XKR9: variants seen among roughly 807,000 people sequenced by gnomAD.
The protein encoded by XKR9 is XK related 9.
XKR9 carries 32 observed loss-of-function variants against 32.0 expected under a neutral mutation model. The ratio of observed to expected loss-of-function variants is 1.00; its 90% CI spans 0.76 to 1.34. XKR9 has a LOEUF of 1.34. Ranked by LOEUF, XKR9 falls within the 40% of genes most tolerant of loss-of-function variation. The pLI is 0.00. For synonymous variants in XKR9, 168 were observed against 143.4 expected, an observed-to-expected ratio of 1.17 and a Z score of -1.22; for missense variants, 546 against 429.7, an observed-to-expected ratio of 1.27 and a Z score of -2.39.
At chr8:70,766,436 G>T (rs1357015693) in intron 2 of XKR9, among the ~76,000 whole-genome samples, 1 of 152,130 alleles carries the variant, frequency 6.6e-6, no homozygotes, top group Non-Finnish European at 1.5e-5. Context: ...TGTAATTTTT[G>T]CACACTGATT....
chr8:70,986,544 C>T, the XKR9 span, among the ~76,000 whole-genome samples: 1 of 152,138 alleles, frequency 6.6e-6, no homozygotes, highest in East Asian at 1.9e-4. Context: ...TCTCTTAAGA[C>T]TTCAAAATAG....
chr8:70,975,435 T>G, the XKR9 span, among the ~76,000 whole-genome samples: 3 of 152,308 alleles, frequency 2.0e-5, no homozygotes, highest in Admixed American at 2.0e-4. Context: ...GTAAGGAAGG[T>G]ATCCAGTTTC....
At chr8:70,698,855 G>C (rs956705123) in intron 3 of XKR9, among the ~76,000 whole-genome samples, 3 of 152,134 alleles carry the variant, frequency 2.0e-5, no homozygotes, top group Non-Finnish European at 2.9e-5. Flanking sequence ...CTTGCTTTAT[G>C]AATCTGGGTG....
intron 3 of XKR9, among the ~76,000 whole-genome samples, chr8:70,683,836 CA>C (rs1281891336): frequency 1.3e-5 from 2 of 152,198 alleles, no homozygotes; most frequent in African/African-American, 4.8e-5. Flanking sequence ...TTTAGAATTT[CA>C]TCTATTGACG....
At chr8:70,751,498 G>T (rs1807140542) in intron 2 of XKR9, among the ~76,000 whole-genome samples, 1 of 152,154 alleles carries the variant, frequency 6.6e-6, no homozygotes. Context: ...CATTATTTCT[G>T]GGTGTGGTTG....
chr8:70,966,130 G>A, the XKR9 span, among the ~76,000 whole-genome samples: 1 of 152,062 alleles, frequency 6.6e-6, no homozygotes, highest in Admixed American at 6.6e-5. Flanking sequence ...GTTTTCATTA[G>A]TTTCAAAGAA....
At chr8:70,763,654 C>T (rs1807336367) in intron 2 of XKR9, among the ~76,000 whole-genome samples, 1 of 152,152 alleles carries the variant, frequency 6.6e-6, no homozygotes, top group Admixed American at 6.5e-5. Flanking sequence ...AAACTAATTT[C>T]TGAAAAAATT....
intron 1 of XKR9, among the ~76,000 whole-genome samples, chr8:70,674,545 G>A (rs1462511998): frequency 6.6e-6 from 1 of 152,190 alleles, no homozygotes; most frequent in Non-Finnish European, 1.5e-5. Context: ...AACATGACAT[G>A]TTATCCATTT....
At chr8:70,744,757 C>CTGTATAGA (rs1554553503) in intron 2 of XKR9, among the ~76,000 whole-genome samples, 1 of 150,848 alleles carries the variant, frequency 6.6e-6, no homozygotes, top group Admixed American at 6.6e-5. Context: ...AGGTGTGCAC[C>CTGTATAGA]ACCACGCCTG....
chr8:71,016,322 T>C, the XKR9 span, among the ~76,000 whole-genome samples: 13 of 152,274 alleles, frequency 8.5e-5, no homozygotes, highest in Admixed American at 2.0e-4. Context: ...GTGTGTATGT[T>C]TGGCCTATTC....
At chr8:70,710,493 G>T (rs1202152962) in intron 4 of XKR9, among the ~76,000 whole-genome samples, 1 of 152,096 alleles carries the variant, frequency 6.6e-6, no homozygotes, top group African/African-American at 2.4e-5. Context: ...TTGAGGTCAG[G>T]AGTTCGAGAT....
At chr8:70,788,596 A>G (rs1262512851) in intron 2 of XKR9, among the ~76,000 whole-genome samples, 1 of 152,124 alleles carries the variant, frequency 6.6e-6, no homozygotes, top group Non-Finnish European at 1.5e-5. Flanking sequence ...GTAATTATAA[A>G]AGCAATAGCA....
At chr8:71,036,501 G>T in the XKR9 span, among the ~76,000 whole-genome samples, 1 of 152,008 alleles carries the variant, frequency 6.6e-6, no homozygotes, top group Non-Finnish European at 1.5e-5. Flanking sequence ...CAGCATAATA[G>T]AACTCAAAAA....
Position 70,674,804 on chromosome 8 carries a change from A to G in XKR9, c.-360-14A>G, listed in dbSNP as rs543806584. 1 of 152,290 alleles carries G rather than the reference A, an allele frequency of 6.6e-6. No individual in the cohort carries two copies. Among genetic ancestry groups the G allele is most frequent in the South Asian group, 2.1e-4 (1 of 4,830 alleles). The allele number at this position is 152,290 out of a possible 1,614,324, so 9.4% of individuals were successfully genotyped here. ...TTAAAGGTTTACACATCCTTTAATT[A>G]TACTTGTTTTTAGTGAAGAAGAAGT... On this transcript the variant is annotated splice_polypyrimidine_tract_variant and intron_variant, in intron 1 of 4. Transcript: ENST00000408926.
the XKR9 span, among the ~76,000 whole-genome samples, chr8:70,937,938 G>A: frequency 2.9e-4 from 44 of 152,076 alleles, no homozygotes; most frequent in African/African-American, 9.2e-4. Flanking sequence ...CATATATACT[G>A]AATTGACATA....
chr8:70,756,433 G>C (rs1420086384), intron 2 of XKR9, among the ~76,000 whole-genome samples: 3 of 152,182 alleles, frequency 2.0e-5, no homozygotes, highest in Admixed American at 6.5e-5. Flanking sequence ...GGCTTGCATT[G>C]AATCTATGGA....
At chr8:70,741,129 G>A (rs900806200) in intron 2 of XKR9, among the ~76,000 whole-genome samples, 5 of 152,246 alleles carry the variant, frequency 3.3e-5, no homozygotes, top group Non-Finnish European at 5.9e-5. Context: ...CACCCAGTTC[G>A]AGCATCTGGG....
intron 3 of XKR9, among the ~76,000 whole-genome samples, chr8:70,690,248 C>G (rs1318434128): frequency 6.6e-6 from 1 of 152,080 alleles, no homozygotes; most frequent in African/African-American, 2.4e-5. Context: ...CTGTTCCTCT[C>G]CCTCCTTCCA....
chr8:71,047,464 C>T, the XKR9 span, among the ~76,000 whole-genome samples: 1 of 152,132 alleles, frequency 6.6e-6, no homozygotes, highest in African/African-American at 2.4e-5. Flanking sequence ...ATCGTAAAAC[C>T]ACCTCCTCTG....
Sources: allele counts gnomAD v4.1 joint callset (sites outside exome capture counted in the v4.1 genomes callset), GRCh38; gene constraint gnomAD v4.1.1; transcripts MANE v1.5; gene names NCBI Gene and HGNC (gene_info 2026-07-23, HGNC 2026-07-21).